MMRN1: variants seen among roughly 807,000 people sequenced by gnomAD.
The protein encoded by MMRN1 is multimerin-1.
A neutral mutation model predicts 100.7 loss-of-function variants in MMRN1; 94 were observed. That is an observed-to-expected ratio of 0.93 (90% CI 0.79 to 1.11). MMRN1 has a LOEUF of 1.11. Ranked by LOEUF, MMRN1 falls within the 50% of genes least tolerant of loss-of-function variation. The pLI is 0.00. For missense variants in MMRN1, 1,606 were observed against 1,439.1 expected, an observed-to-expected ratio of 1.12 and a Z score of -1.88; for synonymous variants, 575 against 505.0, an observed-to-expected ratio of 1.14 and a Z score of -1.86.
chr4:89,945,784 G>A (rs1362552291), intron 6 of MMRN1, among the ~76,000 whole-genome samples: 1 of 152,096 alleles, frequency 6.6e-6, no homozygotes, highest in Non-Finnish European at 1.5e-5. Flanking sequence ...GAAGATTGCT[G>A]ATACAACTAA....
chr4:89,880,203 G>T (rs1720789264), intron 1 of MMRN1, among the ~76,000 whole-genome samples: 1 of 152,164 alleles, frequency 6.6e-6, no homozygotes, highest in Non-Finnish European at 1.5e-5. Flanking sequence ...GGAGAAGGTT[G>T]AGTTTAAGCC....
intron 5 of MMRN1, 29 bp downstream of exon 5, chr4:89,927,997 T>C: frequency 6.7e-7 from 1 of 1,482,938 alleles, no homozygotes; most frequent in Non-Finnish European, 9.1e-7. Flanking sequence ...AAAATATTCA[T>C]TCAGTAACAC....
intron 1 of MMRN1, among the ~76,000 whole-genome samples, chr4:89,880,673 G>A (rs928147633): frequency 5.1e-4 from 78 of 152,126 alleles, no homozygotes. Flanking sequence ...ATAAATTATA[G>A]CTTTGGTTTC....
In MMRN1 at chr4:89,953,230, A is replaced by C. The variant is rs1560602332; in HGVS notation, c.3499A>C (p.Ile1167Leu). 1 of 1,613,912 alleles carries C rather than the reference A, an allele frequency of 6.2e-7. No homozygotes were observed. Among genetic ancestry groups the C allele is most frequent in the African/African-American group, 1.3e-5 (1 of 75,048 alleles). Residue 1167 changes from isoleucine to leucine, a missense_variant, in exon 8 of 8, where the codon ATA becomes CTA. Ile to Leu is a conservative substitution (Grantham distance 5, BLOSUM62 2). Transcript: ENST00000264790. ...TTCTGGATTTTTAGTGGTTGATGGA[A>C]TAGACAAGCTTGCATTTGAGTCTGA... Reference protein sequence around the residue: ...HISGFLVVDGIDKLAFESENI... With the variant: ...HISGFLVVDGLDKLAFESENI...
chr4:89,894,627 CG>C (rs934224395), upstream of MMRN1: 55 of 178,330 alleles, frequency 3.1e-4, 1 homozygote, highest in Non-Finnish European at 5.9e-4. Context: ...ATCAGTGAAA[CG>C]TGAAACCAGG....
At chr4:89,908,351 C>T (rs1243038754) in intron 1 of MMRN1, among the ~76,000 whole-genome samples, 1 of 151,252 alleles carries the variant, frequency 6.6e-6, no homozygotes, top group Non-Finnish European at 1.5e-5. Flanking sequence ...GGACAAAATT[C>T]TCTGAAATTT....
chr4:89,901,789 A>G (rs1281099838), intron 1 of MMRN1, among the ~76,000 whole-genome samples: 1 of 152,050 alleles, frequency 6.6e-6, no homozygotes, highest in Non-Finnish European at 1.5e-5. Context: ...TACTATAAAT[A>G]TATATTGCAT....
At chr4:89,890,630 A>G (rs1380210577), upstream of MMRN1, among the ~76,000 whole-genome samples, 1 of 152,144 alleles carries the variant, frequency 6.6e-6, no homozygotes, top group African/African-American at 2.4e-5. Context: ...TGATAACCAG[A>G]TACAGCTTTC....
intron 1 of MMRN1, chr4:89,879,717 C>G (rs928400842): frequency 6.6e-6 from 1 of 151,930 alleles, no homozygotes; most frequent in Non-Finnish European, 1.5e-5. Context: ...AGTAGTTTAG[C>G]TCTTTGTGTA....
At chr4:89,886,879 A>T (rs1387739606) in intron 1 of MMRN1, among the ~76,000 whole-genome samples, 1 of 152,078 alleles carries the variant, frequency 6.6e-6, no homozygotes, top group African/African-American at 2.4e-5. Context: ...CCACTTCTCT[A>T]GTTATTTTGA....
In MMRN1 at chr4:89,927,833, G is replaced by A. The variant is rs1722309723; in HGVS notation, c.994G>A (p.Ala332Thr). ...AATGACTGATCAGGTGAACTACCAG[G>A]CAATGAAACTGACTCTTCTGCAGAA... ...QKMTDQVNYQ[A>T]MKLTLLQKKI... The change falls in exon 5 of 8, where the codon GCA becomes ACA. Residue 332 changes from alanine (A) to threonine (T), a missense_variant. Ala to Thr is a moderately conservative substitution (Grantham distance 58). Transcript: ENST00000264790. 3 of 1,611,992 alleles carry A rather than the reference G, an allele frequency of 1.9e-6. No individual in the cohort carries two copies. The highest frequency in any genetic ancestry group is 1.7e-5 in the Admixed American group (1 of 59,704).
At chr4:89,905,461 T>C (rs1385154750) in intron 1 of MMRN1, among the ~76,000 whole-genome samples, 1 of 151,592 alleles carries the variant, frequency 6.6e-6, no homozygotes, top group Non-Finnish European at 1.5e-5. Flanking sequence ...TCATATGTTG[T>C]CATTTGCAAA....
intron 1 of MMRN1, among the ~76,000 whole-genome samples, chr4:89,882,621 G>C (rs1402349847): frequency 1.3e-5 from 2 of 150,646 alleles, no homozygotes; most frequent in African/African-American, 5.0e-5. Flanking sequence ...AATCGCTGCT[G>C]TCCAGAAGAA....
chr4:89,920,436 C>T (rs1722052734), intron 3 of MMRN1, among the ~76,000 whole-genome samples: 1 of 152,036 alleles, frequency 6.6e-6, no homozygotes, highest in African/African-American at 2.4e-5. Context: ...CTTAACAGTG[C>T]CTCTTTAGGG....
chr4:89,915,892 G>A (rs572617375), intron 3 of MMRN1, among the ~76,000 whole-genome samples: 8 of 151,814 alleles, frequency 5.3e-5, no homozygotes, highest in African/African-American at 1.7e-4. Flanking sequence ...TTAGAAATCT[G>A]TCCTGTATGG....
At chr4:89,924,837 T>C (rs1420713549) in intron 4 of MMRN1, among the ~76,000 whole-genome samples, 1 of 152,042 alleles carries the variant, frequency 6.6e-6, no homozygotes, top group Non-Finnish European at 1.5e-5. Flanking sequence ...AGCGAGACTG[T>C]CTCAAAAATA....
chr4:89,948,255 T>G (rs1474091273), intron 6 of MMRN1, among the ~76,000 whole-genome samples: 1 of 152,216 alleles, frequency 6.6e-6, no homozygotes, highest in African/African-American at 2.4e-5. Flanking sequence ...TCTGTACTTG[T>G]CACTAATCCA....
At chr4:89,892,006 T>A (rs1258190145), upstream of MMRN1, among the ~76,000 whole-genome samples, 1 of 151,968 alleles carries the variant, frequency 6.6e-6, no homozygotes, top group East Asian at 1.9e-4. Context: ...ACATTTATAT[T>A]TTCTTTTAAC....
rs1293119602 is a variant in MMRN1 at position 89,953,601 on chromosome 4, A to G, written c.*183A>G. ...TATTTGAATATTGTTTAATGTCTGA[A>G]TATGAAAGAGTTCTTGATCCTAAAG... On this transcript the variant is annotated 3_prime_UTR_variant, in exon 8 of 8. Transcript: ENST00000264790. The G allele has an allele frequency of 4.2e-6, 2 of 479,124 alleles. No individual in the cohort carries two copies. The highest frequency in any genetic ancestry group is 7.0e-6 in the Non-Finnish European group (2 of 284,914). 29.7% of individuals were successfully genotyped at this position (479,124 alleles called of 1,614,324 possible).
Sources: allele counts gnomAD v4.1 joint callset (sites outside exome capture counted in the v4.1 genomes callset), GRCh38; gene constraint gnomAD v4.1.1; transcripts MANE v1.5; gene names NCBI Gene and HGNC (gene_info 2026-07-23, HGNC 2026-07-21).